The following ESRP1 variants were observed in gnomAD, a reference collection of about 807,000 sequenced individuals.
ESRP1 encodes the protein epithelial splicing regulatory protein 1, also known as RNA-binding motif protein 35A.
ESRP1 carries 33 observed loss-of-function variants against 81.7 expected under a neutral mutation model. The ratio of observed to expected loss-of-function variants is 0.40; its 90% CI spans 0.31 to 0.54. The LOEUF (loss-of-function observed/expected upper bound fraction) is 0.54. Ranked by LOEUF, ESRP1 falls within the 20% of genes least tolerant of loss-of-function variation. The pLI, the probability that ESRP1 is intolerant of heterozygous loss-of-function variation, is 0.41. For missense variants in ESRP1, 672 were observed against 833.1 expected (o/e 0.81, Z 2.38); for synonymous variants, 320 against 303.3 (o/e 1.06, Z -0.57).
At chr8:94,697,056 T>G in intron 15 of ESRP1, 95 bp downstream of exon 15, 1 of 798,714 alleles carries the variant, frequency 1.3e-6, no homozygotes, top group Non-Finnish European at 1.9e-6. Context: ...AATCCTTCTT[T>G]TCTTTAGTGT....
rs980595088 is a variant in ESRP1, at chr8:94,706,662, G to T, written c.*773G>T. On this transcript the variant is annotated 3_prime_UTR_variant, in exon 16 of 16. Transcript: ENST00000433389. ...TAGTTAGTAATTTCTAGTTTGAACT[G>T]TAATTGAATATTGTGGCTTCATATG... is the stretch of plus-strand genomic sequence containing the variant. 2.6e-5 allele frequency: 4 copies of T among 152,592 alleles called. No homozygotes were observed. Among genetic ancestry groups the T allele is most frequent in the African/African-American group, 9.7e-5 (4 of 41,436 alleles). The allele number at this position is 152,592 out of a possible 1,614,324, so 9.5% of individuals were successfully genotyped here.
chr8:94,705,697 G>A (rs142005409), intron 15 of ESRP1: 13 of 506,640 alleles, frequency 2.6e-5, no homozygotes, highest in African/African-American at 1.4e-4. Context: ...GGTGCAGAAC[G>A]CCAACTACTG....
At chr8:94,692,865 ATTAC>A in intron 14 of ESRP1, 38 bp downstream of exon 14, 1 of 1,592,766 alleles carries the variant, frequency 6.3e-7, no homozygotes, top group Non-Finnish European at 8.6e-7. Context: ...CAGTGCCCTT[ATTAC>A]TTAAGTTGAT....
At chr8:94,696,680 T>G (rs1041509145) in intron 14 of ESRP1, among the ~76,000 whole-genome samples, 172 bp from the exon 15 acceptor site, 1 of 152,214 alleles carries the variant, frequency 6.6e-6, no homozygotes, top group South Asian at 2.1e-4. Flanking sequence ...TATTTAAACA[T>G]GTTAAGAAAT....
intron 14 of ESRP1, among the ~76,000 whole-genome samples, chr8:94,693,274 A>G (rs965569855): frequency 1.3e-5 from 2 of 152,190 alleles, no homozygotes; most frequent in East Asian, 1.9e-4. Flanking sequence ...GGAAAAAAAA[A>G]ATTGCCTAAC....
rs538396339 is a variant in ESRP1, at chr8:94,704,973, A to G, written c.*36-952A>G. On this transcript the variant is annotated intron_variant, in intron 15 of 15. Coordinates refer to ENST00000433389, the MANE Select transcript of ESRP1 (RefSeq NM_017697.4). ...ATTAGTTTAAATCCTGCATCTGCCCATTACTAACTTAATCATTCTGTGCTT... is the reference window on the plus strand; with the variant it reads ...ATTAGTTTAAATCCTGCATCTGCCCGTTACTAACTTAATCATTCTGTGCTT... Among the ~76,000 whole-genome samples the G allele has an allele frequency of 8.5e-5, 13 of 152,104 alleles. No individual in the cohort carries two copies. The South Asian group carries it at 2.7e-3, about 32-fold the overall frequency.
chr8:94,663,372 A>G (rs1391256882), intron 6 of ESRP1, among the ~76,000 whole-genome samples: 1 of 152,018 alleles, frequency 6.6e-6, no homozygotes, highest in Non-Finnish European at 1.5e-5. Flanking sequence ...CAGCCTTCCC[A>G]GTAGCTGGGA....
intron 4 of ESRP1, among the ~76,000 whole-genome samples, chr8:94,656,810 T>A (rs1818449082): frequency 6.6e-6 from 1 of 152,256 alleles, no homozygotes; most frequent in Admixed American, 6.5e-5. Flanking sequence ...TAAAATAGTT[T>A]AAACTTGTCT....
At chr8:94,657,071 T>TA (rs1470724293) in intron 4 of ESRP1, among the ~76,000 whole-genome samples, 1 of 152,238 alleles carries the variant, frequency 6.6e-6, no homozygotes, top group Admixed American at 6.5e-5. Flanking sequence ...CCTGTTAATA[T>TA]ATAGACCAAG....
chr8:94,700,084 C>T (rs1393399061), intron 15 of ESRP1, among the ~76,000 whole-genome samples: 1 of 152,180 alleles, frequency 6.6e-6, no homozygotes, highest in Non-Finnish European at 1.5e-5. Flanking sequence ...GCAACTTACA[C>T]AAGTCATACA....
chr8:94,652,772 G>GA (rs1488918479), intron 4 of ESRP1, among the ~76,000 whole-genome samples: 1 of 152,102 alleles, frequency 6.6e-6, no homozygotes, highest in Non-Finnish European at 1.5e-5. Flanking sequence ...GAGGACAGGT[G>GA]AAAAAAACTA....
chr8:94,685,837 A>C (rs2130694028), intron 13 of ESRP1, among the ~76,000 whole-genome samples: 1 of 152,294 alleles, frequency 6.6e-6, no homozygotes, highest in Middle Eastern at 3.4e-3. Flanking sequence ...CAGGTAGTCA[A>C]AGCAAAGGAA....
At chr8:94,682,233 G>T (rs1381925426) in intron 13 of ESRP1, among the ~76,000 whole-genome samples, 1 of 152,130 alleles carries the variant, frequency 6.6e-6, no homozygotes, top group Admixed American at 6.5e-5. Context: ...TCTCAGAAAA[G>T]AATATTCTCC....
chr8:94,663,963 G>A (rs1007428319), intron 6 of ESRP1, among the ~76,000 whole-genome samples: 1 of 152,002 alleles, frequency 6.6e-6, no homozygotes, highest in Admixed American at 6.6e-5. Flanking sequence ...TCCTCATGTG[G>A]GTTAATTGTC....
intron 4 of ESRP1, among the ~76,000 whole-genome samples, chr8:94,659,933 A>G (rs1405582774): frequency 1.3e-5 from 2 of 152,236 alleles, no homozygotes; most frequent in Non-Finnish European, 2.9e-5. Context: ...AGTCTCTTCA[A>G]TTCTATGAAG....
intron 13 of ESRP1, among the ~76,000 whole-genome samples, chr8:94,681,672 C>T (rs1453378219): frequency 6.6e-6 from 1 of 151,746 alleles, no homozygotes; most frequent in Non-Finnish European, 1.5e-5. Context: ...GGTGTGGTGG[C>T]TCACCCCTGT....
chr8:94,650,985 G>A (rs7843095), intron 4 of ESRP1, among the ~76,000 whole-genome samples: 20 of 152,266 alleles, frequency 1.3e-4, no homozygotes, highest in African/African-American at 2.6e-4. Flanking sequence ...GATTATAGGC[G>A]TGAGCCACCA....
rs778715068 is a variant in ESRP1 at position 94,674,439 on chromosome 8, G to A, written c.1584G>A (p.Met528Ile). 1 of 1,613,978 alleles carries A rather than the reference G, an allele frequency of 6.2e-7. No individual in the cohort carries two copies. Residue 528 changes from methionine (M) to isoleucine (I), a missense_variant, in exon 12 of 16, where the codon ATG (methionine) becomes ATA (isoleucine). Physicochemically the swap from Met to Ile is conservative, Grantham distance 10 (BLOSUM62 1). Coordinates refer to ENST00000433389, the MANE Select transcript of ESRP1 (RefSeq NM_017697.4). ...VEVFQCSAEEMNFVLMGGTLN... is the reference protein window; with the variant it reads ...VEVFQCSAEEINFVLMGGTLN... ...TCTTTCAGTGTTCAGCTGAGGAGAT[G>A]AACTTTGTGTTAATGGGGGGCACTT...
At chr8:94,682,946 T>A (rs1326227082) in intron 13 of ESRP1, among the ~76,000 whole-genome samples, 174 of 91,000 alleles carry the variant, frequency 1.9e-3, no homozygotes, top group Non-Finnish European at 2.9e-3. Context: ...TTTTTTTTTT[T>A]TTTTTTTTTT....
Sources: allele counts gnomAD v4.1 joint callset (sites outside exome capture counted in the v4.1 genomes callset), GRCh38; gene constraint gnomAD v4.1.1; transcripts MANE v1.5; gene names NCBI Gene and HGNC (gene_info 2026-07-23, HGNC 2026-07-21).